Variants in AUTS2 observed in about 807,000 individuals in gnomAD.
AUTS2 encodes the protein activator of transcription and developmental regulator AUTS2, also known as autism susceptibility gene 2 protein.
In AUTS2, 17 loss-of-function variants were observed where a neutral mutation model predicts 112.4. That is an observed-to-expected ratio of 0.15 (90% confidence interval 0.10 to 0.23). AUTS2 has a LOEUF of 0.23. Among genes scored for constraint, AUTS2 ranks in the 10% least tolerant of loss-of-function variants. The pLI is 1.00. For missense variants in AUTS2, 1,510 were observed against 1,701.6 expected (o/e 0.89, Z 1.98); for synonymous variants, 751 against 702.7 (o/e 1.07, Z -1.09).
At chr7:70,170,048 G>T (rs1808586779) in intron 4 of AUTS2, among the ~76,000 whole-genome samples, 1 of 151,196 alleles carries the variant, frequency 6.6e-6, no homozygotes, top group South Asian at 2.1e-4. Flanking sequence ...TGGGAATCAG[G>T]AGAGGGGAGG....
At chr7:70,745,304 A>T (rs564776455) in intron 6 of AUTS2, among the ~76,000 whole-genome samples, 1 of 151,964 alleles carries the variant, frequency 6.6e-6, no homozygotes, top group Admixed American at 6.6e-5. Flanking sequence ...TAATTTTTCT[A>T]TTTAGTTTTT....
At chr7:70,379,796 A>G (rs1161160710) in intron 4 of AUTS2, among the ~76,000 whole-genome samples, 2 of 152,218 alleles carry the variant, frequency 1.3e-5, no homozygotes, top group African/African-American at 4.8e-5. Flanking sequence ...ATTTACTTGA[A>G]GTGTTCTAAG....
At chr7:70,607,136 A>G (rs1354243336) in intron 5 of AUTS2, among the ~76,000 whole-genome samples, 2 of 152,098 alleles carry the variant, frequency 1.3e-5, no homozygotes, top group Non-Finnish European at 2.9e-5. Flanking sequence ...GAAAGGAGGG[A>G]AATGCTGCTC....
intron 2 of AUTS2, among the ~76,000 whole-genome samples, chr7:70,109,244 C>A (rs949354739): frequency 6.6e-6 from 1 of 152,040 alleles, no homozygotes; most frequent in Non-Finnish European, 1.5e-5. Flanking sequence ...AATATTGTCT[C>A]TAAATTACTT....
chr7:70,110,756 CA>C (rs1357015848), intron 2 of AUTS2, among the ~76,000 whole-genome samples: 2 of 151,640 alleles, frequency 1.3e-5, no homozygotes, highest in African/African-American at 4.8e-5. Flanking sequence ...CAAACATATC[CA>C]AAAATCCTGT....
intron 4 of AUTS2, among the ~76,000 whole-genome samples, chr7:70,340,396 A>G (rs915398867): frequency 2.0e-5 from 3 of 152,118 alleles, no homozygotes; most frequent in Admixed American, 1.3e-4. Flanking sequence ...CTTTTCTGAA[A>G]CTGTTAACTG....
intron 4 of AUTS2, among the ~76,000 whole-genome samples, chr7:70,335,029 C>T (rs1790925630): frequency 6.6e-6 from 1 of 152,118 alleles, no homozygotes; most frequent in African/African-American, 2.4e-5. Context: ...CTGTCCTTCT[C>T]ATCAGGGAGA....
chr7:70,430,327 C>A lies in AUTS2; in HGVS notation c.661-5425C>A, dbSNP rs982837706. On this transcript the variant is annotated intron_variant, in intron 4 of 18. Transcript: ENST00000342771. ...GATACTTGAGTCTGAGTGTTCGCTGCACTTCAACAGGGGGCACATACCCAA... is the reference window on the plus strand; with the variant it reads ...GATACTTGAGTCTGAGTGTTCGCTGAACTTCAACAGGGGGCACATACCCAA... Among the ~76,000 whole-genome samples, 3 of 152,184 alleles carry A rather than the reference C, an allele frequency of 2.0e-5. No homozygotes were observed. In the South Asian group the frequency reaches 6.2e-4, roughly 32 times the overall value.
chr7:70,495,278 C>T (rs1158994460), intron 5 of AUTS2, among the ~76,000 whole-genome samples: 2 of 150,868 alleles, frequency 1.3e-5, no homozygotes, highest in African/African-American at 2.4e-5. Context: ...TGAAAGTCCA[C>T]CCCCCTTCTA....
chr7:70,772,351 T>C (rs6950762), intron 11 of AUTS2, among the ~76,000 whole-genome samples: 37,290 of 152,214 alleles, frequency 0.24, 5,286 homozygotes, highest in East Asian at 0.56. Context: ...CCGTCCAGCG[T>C]TGGCTACAGC....
chr7:70,781,450 C>G lies in AUTS2; in HGVS notation c.2005-165C>G, dbSNP rs1258903343. On this transcript the variant is annotated intron_variant, in intron 14 of 18. Coordinates refer to ENST00000342771, the MANE Select transcript of AUTS2 (RefSeq NM_015570.4). ...TAACAGGCACTACCGGCCTGCAGAT[C>G]TGACATTTGAGGGTGAAATGGTTTT... 8 of 727,794 alleles carry G rather than the reference C, an allele frequency of 1.1e-5. No individual in the cohort carries two copies. The East Asian group carries it at 2.5e-4, about 23-fold the overall frequency. 45.1% of individuals were successfully genotyped at this position (727,794 alleles called of 1,614,324 possible). A position where few individuals can be genotyped will look rare whatever the true frequency, so the allele number is the denominator to read the frequency against.
chr7:69,946,301 T>A (rs1796806805), intron 2 of AUTS2, among the ~76,000 whole-genome samples: 1 of 152,156 alleles, frequency 6.6e-6, no homozygotes, highest in African/African-American at 2.4e-5. Context: ...GGGATCCTTG[T>A]ATCGTGTTGA....
At chr7:70,669,505 A>T (rs1416063994) in intron 5 of AUTS2, among the ~76,000 whole-genome samples, 1 of 152,226 alleles carries the variant, frequency 6.6e-6, no homozygotes, top group Non-Finnish European at 1.5e-5. Context: ...CAGTGCATTT[A>T]GTCCAGCACC....
intron 5 of AUTS2, among the ~76,000 whole-genome samples, chr7:70,446,702 A>T (rs1044344564): frequency 6.6e-6 from 1 of 152,080 alleles, no homozygotes. Context: ...GTGCATTAAA[A>T]TTTTACTGGC....
chr7:70,096,599 T>TA lies in AUTS2; in HGVS notation c.523-21516dup, dbSNP rs374942971. On this transcript the variant is annotated intron_variant, in intron 2 of 18. Coordinates refer to ENST00000342771, the MANE Select transcript of AUTS2 (RefSeq NM_015570.4). The stretch of plus-strand genomic sequence containing the variant: ...GGGCAACAAGAGTGAAACTCCATCT[T>TA]AAAAAAAAAAAAAAAAAGAAAAAAA... Among the ~76,000 whole-genome samples, 572 of 84,524 alleles carry TA rather than the reference T, an allele frequency of 6.8e-3. 4 individuals carry two copies. Among genetic ancestry groups the TA allele is most frequent in the Middle Eastern group, 0.029 (4 of 140 alleles). 55.5% of individuals were successfully genotyped at this position (84,524 alleles called of 152,430 possible).
chr7:70,365,699 T>C (rs993658246), intron 4 of AUTS2, among the ~76,000 whole-genome samples: 7 of 152,224 alleles, frequency 4.6e-5, no homozygotes, highest in Admixed American at 3.9e-4. Flanking sequence ...AGGAACTAAG[T>C]GTATTTAACC....
intron 2 of AUTS2, among the ~76,000 whole-genome samples, chr7:69,968,086 G>A (rs960566628): frequency 2.0e-5 from 3 of 152,192 alleles, no homozygotes; most frequent in Non-Finnish European, 4.4e-5. Context: ...AACAGGAAAG[G>A]CAGGATATTC....
chr7:69,886,763 T>TTGTGTG (rs3220664), intron 1 of AUTS2, among the ~76,000 whole-genome samples: 6,002 of 129,818 alleles, frequency 0.046, 202 homozygotes, highest in Non-Finnish European at 0.058. Context: ...TTTGACTTCT[T>TTGTGTG]TGTGTGTGTG....
chr7:70,789,148 C>T (rs1791708828), intron 18 of AUTS2, among the ~76,000 whole-genome samples: 1 of 152,226 alleles, frequency 6.6e-6, no homozygotes, highest in Non-Finnish European at 1.5e-5. Context: ...AGTCCTCCAA[C>T]TGTGGCTTCC....
Sources: allele counts gnomAD v4.1 joint callset (sites outside exome capture counted in the v4.1 genomes callset), GRCh38; gene constraint gnomAD v4.1.1; transcripts MANE v1.5; gene names NCBI Gene and HGNC (gene_info 2026-07-23, HGNC 2026-07-21).